Variants in CNTNAP2 observed in about 807,000 individuals in gnomAD.
CNTNAP2 encodes contactin-associated protein-like 2.
In CNTNAP2, 98 loss-of-function variants were observed where a neutral mutation model predicts 155.2. The ratio of observed to expected loss-of-function variants is 0.63; its 90% CI spans 0.54 to 0.75. The LOEUF is 0.75. Ranked by LOEUF, CNTNAP2 falls within the 30% of genes least tolerant of loss-of-function variation. The pLI, the probability that CNTNAP2 is intolerant of heterozygous loss-of-function variation, is 0.00. For missense variants in CNTNAP2, 1,727 were observed against 1,688.1 expected (o/e 1.02, Z -0.40); for synonymous variants, 651 against 631.2 (o/e 1.03, Z -0.47).
chr7:148,168,154 C>T (rs1044861855), intron 17 of CNTNAP2, among the ~76,000 whole-genome samples: 1 of 151,852 alleles, frequency 6.6e-6, no homozygotes, highest in African/African-American at 2.4e-5. Flanking sequence ...GTCAGTGTGG[C>T]GATTCCTCAG....
At chr7:147,863,971 C>G (rs976860665) in intron 13 of CNTNAP2, among the ~76,000 whole-genome samples, 1 of 152,098 alleles carries the variant, frequency 6.6e-6, no homozygotes, top group Non-Finnish European at 1.5e-5. Context: ...GTTGCCATTG[C>G]TTTTGGTGTT....
intron 11 of CNTNAP2, among the ~76,000 whole-genome samples, chr7:147,501,283 A>G (rs1031185893): frequency 3.3e-5 from 5 of 151,890 alleles, no homozygotes; most frequent in Non-Finnish European, 7.4e-5. Flanking sequence ...ATCATCCTCA[A>G]TGGTGAAAAA....
chr7:148,390,515 G>A (rs1448769287), intron 22 of CNTNAP2, among the ~76,000 whole-genome samples: 1 of 152,136 alleles, frequency 6.6e-6, no homozygotes, highest in East Asian at 1.9e-4. Flanking sequence ...TGGCCTTATG[G>A]TTAAAGGGAT....
At chr7:146,719,327 A>G (rs539299189) in intron 1 of CNTNAP2, among the ~76,000 whole-genome samples, 11 of 152,334 alleles carry the variant, frequency 7.2e-5, no homozygotes, top group African/African-American at 2.2e-4. Context: ...TGCTGATGTG[A>G]GAAAATACAA....
At chr7:146,191,983 A>G (rs1296251877) in intron 1 of CNTNAP2, among the ~76,000 whole-genome samples, 1 of 152,220 alleles carries the variant, frequency 6.6e-6, no homozygotes, top group Non-Finnish European at 1.5e-5. Flanking sequence ...AAAGACAGGC[A>G]TAGGAAATCA....
chr7:147,536,287 A>G (rs1799535977), intron 11 of CNTNAP2, among the ~76,000 whole-genome samples: 1 of 152,230 alleles, frequency 6.6e-6, no homozygotes, highest in Non-Finnish European at 1.5e-5. Context: ...TTGAGCATCT[A>G]TCACGCACAG....
At chr7:148,280,640 C>T (rs1005934218) in intron 21 of CNTNAP2, among the ~76,000 whole-genome samples, 2 of 152,060 alleles carry the variant, frequency 1.3e-5, no homozygotes, top group East Asian at 1.9e-4. Context: ...AATAAAAAGC[C>T]GGGCACGGTG....
At chr7:147,142,505 A>T (rs1460325598) in intron 8 of CNTNAP2, among the ~76,000 whole-genome samples, 2 of 152,044 alleles carry the variant, frequency 1.3e-5, no homozygotes, top group Non-Finnish European at 2.9e-5. Context: ...TTTGCATCAA[A>T]GTTCATCAGG....
chr7:146,911,139 TA>T (rs1796266083), intron 3 of CNTNAP2, among the ~76,000 whole-genome samples: 1 of 151,986 alleles, frequency 6.6e-6, no homozygotes, highest in South Asian at 2.1e-4. Context: ...TGGCAATCAT[TA>T]AAAAGTCAGG....
intron 1 of CNTNAP2, among the ~76,000 whole-genome samples, chr7:146,203,940 G>A (rs1251037349): frequency 6.6e-6 from 1 of 151,970 alleles, no homozygotes; most frequent in African/African-American, 2.4e-5. Flanking sequence ...TGATTTTTTG[G>A]GGGGAATCCT....
chr7:146,985,522 A>C (rs1484388892), intron 3 of CNTNAP2, among the ~76,000 whole-genome samples: 1 of 151,740 alleles, frequency 6.6e-6, no homozygotes, highest in Non-Finnish European at 1.5e-5. Context: ...GAGTTTCACC[A>C]TGTTAGCCAG....
At chr7:146,998,992 A>G (rs1798365762) in intron 3 of CNTNAP2, among the ~76,000 whole-genome samples, 1 of 151,672 alleles carries the variant, frequency 6.6e-6, no homozygotes, top group Non-Finnish European at 1.5e-5. Context: ...TTTTTTTATT[A>G]TTTATATGTA....
intron 21 of CNTNAP2, among the ~76,000 whole-genome samples, chr7:148,328,689 G>C (rs1797934055): frequency 6.6e-6 from 1 of 152,078 alleles, no homozygotes; most frequent in Admixed American, 6.6e-5. Flanking sequence ...ACCCAAACAA[G>C]CTGGGCGCGG....
At chr7:146,256,267 A>T (rs1584830802) in intron 1 of CNTNAP2, among the ~76,000 whole-genome samples, 2 of 152,172 alleles carry the variant, frequency 1.3e-5, no homozygotes, top group Admixed American at 1.3e-4. Context: ...TGTTCTATTA[A>T]GACAAGTTTT....
In CNTNAP2 at chr7:146,783,436, T is replaced by C. The variant is rs1322939507; in HGVS notation, c.208+9055T>C. 2.0e-5 allele frequency among the ~76,000 whole-genome samples: 3 copies of C among 152,304 alleles called. No individual in the cohort carries two copies. The South Asian group carries it at 6.2e-4, about 32-fold the overall frequency. ...TAATGTATTCTTTTTTACTTAATTC[T>C]CAAAGATAAACCAAAATTTTGGCTT... On this transcript the variant is annotated intron_variant, in intron 2 of 23. Transcript: ENST00000361727.
At chr7:147,098,297 C>T (rs552082837) in intron 4 of CNTNAP2, among the ~76,000 whole-genome samples, 33 of 152,316 alleles carry the variant, frequency 2.2e-4, no homozygotes, top group Non-Finnish European at 4.0e-4. Context: ...TTCCAATTCT[C>T]ACCCTGCACA....
At chr7:147,915,229 G>A (rs13225365) in intron 14 of CNTNAP2, among the ~76,000 whole-genome samples, 10,683 of 152,224 alleles carry the variant, frequency 0.07, 386 homozygotes, top group East Asian at 0.15. Flanking sequence ...AATATTGGAA[G>A]GAATTTCTCA....
chr7:147,728,135 C>A (rs1796674969), intron 13 of CNTNAP2, among the ~76,000 whole-genome samples: 2 of 150,124 alleles, frequency 1.3e-5, no homozygotes, highest in Admixed American at 1.3e-4. Flanking sequence ...TTTCAGATAA[C>A]AATGATGAAT....
intron 8 of CNTNAP2, among the ~76,000 whole-genome samples, chr7:147,173,863 G>A (rs1252929129): frequency 6.6e-6 from 1 of 152,156 alleles, no homozygotes; most frequent in African/African-American, 2.4e-5. Context: ...GGTTCTGACC[G>A]CTGTAAACTC....
Sources: gnomAD v4.1 joint callset for allele counts (sites outside exome capture counted in the v4.1 genomes callset) on GRCh38, gnomAD v4.1.1 for gene constraint, MANE v1.5 for transcripts, NCBI Gene and HGNC (gene_info 2026-07-23, HGNC 2026-07-21) for gene names.